DNAH11: variants seen among roughly 807,000 people sequenced by gnomAD.
DNAH11 encodes the protein axonemal beta dynein heavy chain 11.
DNAH11 carries 442 observed loss-of-function variants against 526.0 expected under a neutral mutation model. The observed-to-expected ratio is 0.84, with a 90% CI of 0.78 to 0.91. The LOEUF is 0.91. Ranked by LOEUF, DNAH11 falls within the 40% of genes least tolerant of loss-of-function variation. DNAH11 has a pLI of 0.00. For missense variants in DNAH11, 6,989 were observed against 5,448.7 expected (o/e 1.28, Z -8.90); for synonymous variants, 2,461 against 1,935.9 (o/e 1.27, Z -7.12).
rs144441488 is a variant in DNAH11, at chr7:21,573,324, A to G, written c.1593+1351A>G. Among the ~76,000 whole-genome samples the G allele has an allele frequency of 8.9e-4, 135 of 152,244 alleles. 1 individual carries two copies. Among genetic ancestry groups the G allele is most frequent in the African/African-American group, 3.1e-3 (128 of 41,546 alleles). ...TTTGCAGATAAGGTGGGCAGGGTTT[A>G]CCTCTGATCTTCGGTCTGGTTGGAG... On this transcript the variant is annotated intron_variant, in intron 8 of 81. Transcript: ENST00000409508.
At chr7:21,900,983 G>A (rs1784787017) in intron 81 of DNAH11, 24 bp from the exon 82 acceptor site, 3 of 1,547,276 alleles carry the variant, frequency 1.9e-6, no homozygotes, top group Non-Finnish European at 2.6e-6. Context: ...CCACACAATT[G>A]CAACCGCTGT....
chr7:21,674,653 CTT>C (rs1782795869), intron 30 of DNAH11, among the ~76,000 whole-genome samples: 1 of 152,074 alleles, frequency 6.6e-6, no homozygotes, highest in Admixed American at 6.6e-5. Context: ...TTCTTTTCCT[CTT>C]TTCTTTTTTC....
chr7:21,897,723 C>G (rs925029653), intron 79 of DNAH11, among the ~76,000 whole-genome samples: 11 of 152,180 alleles, frequency 7.2e-5, no homozygotes, highest in African/African-American at 2.7e-4. Context: ...TCAACCGATT[C>G]TCCTGCCTTC....
chr7:21,827,090 A>G (rs1790332327), intron 65 of DNAH11, among the ~76,000 whole-genome samples: 1 of 152,168 alleles, frequency 6.6e-6, no homozygotes, highest in Non-Finnish European at 1.5e-5. Context: ...GGTTCGAGTA[A>G]TGGTTTCATC....
chr7:21,726,226 C>T (rs1181067662), intron 45 of DNAH11, among the ~76,000 whole-genome samples: 1 of 152,086 alleles, frequency 6.6e-6, no homozygotes, highest in Non-Finnish European at 1.5e-5. Context: ...GGGGGAGGTG[C>T]TGCACACTTT....
intron 65 of DNAH11, among the ~76,000 whole-genome samples, chr7:21,821,974 G>T (rs1467078548): frequency 6.6e-6 from 1 of 151,726 alleles, no homozygotes; most frequent in Non-Finnish European, 1.5e-5. Flanking sequence ...TTCTTTCTGT[G>T]CCTGACTTAT....
At position 21,629,256 on chromosome 7, in the gene DNAH11, T is replaced by C. The variant is rs552939377; in HGVS notation, c.4501-6615T>C. The stretch of plus-strand genomic sequence containing the variant: ...AGTGATTTCTAGTTTTATTTCATTG[T>C]AATCAGAAAAGGTACTCGATATGAT... On this transcript the variant is annotated intron_variant, in intron 25 of 81. Coordinates refer to ENST00000409508, the MANE Select transcript of DNAH11 (RefSeq NM_001277115.2). 7.2e-5 allele frequency among the ~76,000 whole-genome samples: 11 copies of C among 152,298 alleles called. 1 individual carries two copies. The East Asian group carries it at 2.1e-3, about 29-fold the overall frequency.
chr7:21,598,990 A>G (rs1367673387), intron 14 of DNAH11, among the ~76,000 whole-genome samples: 1 of 152,176 alleles, frequency 6.6e-6, no homozygotes, highest in Non-Finnish European at 1.5e-5. Context: ...TGTATCATTG[A>G]TAGGCACTTA....
intron 25 of DNAH11, among the ~76,000 whole-genome samples, chr7:21,631,262 G>A (rs1786591862): frequency 6.6e-6 from 1 of 152,102 alleles, no homozygotes; most frequent in Non-Finnish European, 1.5e-5. Context: ...ACAAAACATG[G>A]GAATTCAAGG....
intron 69 of DNAH11, among the ~76,000 whole-genome samples, chr7:21,863,063 C>CAAAAAAAAA (rs373065417): frequency 7.1e-5 from 3 of 42,236 alleles, no homozygotes; most frequent in Non-Finnish European, 1.6e-4. Context: ...GACTCCGTCT[C>CAAAAAAAAA]AAAAAAAAAA....
intron 69 of DNAH11, 113 bp downstream of exon 69, chr7:21,862,136 T>G (rs1314648008): frequency 6.4e-6 from 7 of 1,087,346 alleles, no homozygotes; most frequent in East Asian, 2.8e-5. Flanking sequence ...TTTTTTTTTT[T>G]GGAAGCCCTT....
intron 9 of DNAH11, among the ~76,000 whole-genome samples, chr7:21,584,017 C>T (rs150172102): frequency 0.041 from 6,262 of 152,206 alleles, 139 homozygotes; most frequent in South Asian, 0.063. Flanking sequence ...GAAGACAGTG[C>T]GGCGATTCCT....
At chr7:21,634,344 G>A (rs558378320) in intron 25 of DNAH11, among the ~76,000 whole-genome samples, 19 of 152,230 alleles carry the variant, frequency 1.2e-4, no homozygotes, top group African/African-American at 4.3e-4. Context: ...GACTGAATTC[G>A]GTGAACAAGA....
At chr7:21,897,936 A>G (rs1454428949) in intron 79 of DNAH11, among the ~76,000 whole-genome samples, 2 of 152,006 alleles carry the variant, frequency 1.3e-5, no homozygotes, top group African/African-American at 4.8e-5. Context: ...CTTTCATTTT[A>G]TTGCTTTCAC....
rs756561500 is a variant in DNAH11 at position 21,868,898 on chromosome 7, A to G, written c.11874A>G (p.Lys3958=). ...TTGGCTTTACAATTGACTCTGGAAAATTCCACAATGTGTCTTTAGGACAAG... is the reference window on the plus strand; with the variant it reads ...TTGGCTTTACAATTGACTCTGGAAAGTTCCACAATGTGTCTTTAGGACAAG... ...KRLGFTIDSG[K]FHNVSLGQGQ... Residue 3958 remains lysine (K), a synonymous_variant, in exon 73 of 82, where the codon AAA becomes AAG. Transcript: ENST00000409508. 6.2e-7 allele frequency: 1 copy of G among 1,613,996 alleles called. No individual in the cohort carries two copies. The highest frequency in any genetic ancestry group is 1.3e-5 in the African/African-American group (1 of 75,046).
intron 42 of DNAH11, 44 bp downstream of exon 42, chr7:21,711,904 A>C (rs1228305813): frequency 6.4e-7 from 1 of 1,556,888 alleles, no homozygotes; most frequent in Non-Finnish European, 8.7e-7. Context: ...TGTATGTAAC[A>C]TAACATTTAC....
At chr7:21,857,089 C>T (rs1371888799) in intron 68 of DNAH11, among the ~76,000 whole-genome samples, 2 of 152,090 alleles carry the variant, frequency 1.3e-5, no homozygotes, top group African/African-American at 4.8e-5. Context: ...CTCACCAAAA[C>T]CCTGCCAGGA....
At chr7:21,625,508 C>G (rs1786287309) in intron 25 of DNAH11, among the ~76,000 whole-genome samples, 1 of 152,046 alleles carries the variant, frequency 6.6e-6, no homozygotes, top group Non-Finnish European at 1.5e-5. Context: ...TCATCAATTA[C>G]TGCTCTGATC....
chr7:21,747,923 G>A (rs1436856208), intron 51 of DNAH11, among the ~76,000 whole-genome samples: 2 of 152,140 alleles, frequency 1.3e-5, no homozygotes, highest in South Asian at 2.1e-4. Context: ...TGTGGAATTC[G>A]GATCTTTCTT....
Sources: allele counts gnomAD v4.1 joint callset (sites outside exome capture counted in the v4.1 genomes callset), GRCh38; gene constraint gnomAD v4.1.1; transcripts MANE v1.5; gene names NCBI Gene and HGNC (gene_info 2026-07-23, HGNC 2026-07-21).